The following TNR variants were observed in gnomAD, a reference collection of about 807,000 sequenced individuals.
TNR encodes the protein tenascin-R.
In TNR, 45 loss-of-function variants were observed where a neutral mutation model predicts 150.4. That is an observed-to-expected ratio of 0.30 (90% CI 0.24 to 0.38). The LOEUF (loss-of-function observed/expected upper bound fraction) is 0.38. Among genes scored for constraint, TNR ranks in the 10% least tolerant of loss-of-function variants. The probability of loss-of-function intolerance (pLI) is 1.00; values close to 1 mark genes in which losing one functional copy is unlikely to be tolerated. For missense variants in TNR, 1,544 were observed against 1,759.1 expected (o/e 0.88, Z 2.19); for synonymous variants, 687 against 678.4 (o/e 1.01, Z -0.20).
At chr1:175,486,219 C>T (rs1658005507) in intron 2 of TNR, among the ~76,000 whole-genome samples, 1 of 151,840 alleles carries the variant, frequency 6.6e-6, no homozygotes, top group Non-Finnish European at 1.5e-5. Flanking sequence ...TGGTTTGCTG[C>T]ACCCATCAAC....
intron 1 of TNR, among the ~76,000 whole-genome samples, chr1:175,530,111 C>T (rs1046680827): frequency 1.3e-5 from 2 of 152,200 alleles, no homozygotes; most frequent in African/African-American, 4.8e-5. Flanking sequence ...AATCGTTTCT[C>T]CCAATCTCGG....
intron 9 of TNR, among the ~76,000 whole-genome samples, chr1:175,371,320 C>G (rs1482732966): frequency 3.3e-5 from 5 of 152,178 alleles, no homozygotes; most frequent in Admixed American, 1.3e-4. Context: ...CTTTGTTCAA[C>G]TTGGAGGTTG....
intron 9 of TNR, among the ~76,000 whole-genome samples, chr1:175,373,336 G>A: frequency 6.6e-6 from 1 of 152,202 alleles, no homozygotes; most frequent in African/African-American, 2.4e-5. Flanking sequence ...GGGGAGATAT[G>A]TGGAGAATAT....
At chr1:175,570,193 G>C (rs754595117) in intron 1 of TNR, among the ~76,000 whole-genome samples, 1 of 152,158 alleles carries the variant, frequency 6.6e-6, no homozygotes, top group African/African-American at 2.4e-5. Flanking sequence ...CCAAACTGCT[G>C]ATTTGTGATC....
chr1:175,404,119 C>T (rs780333653), intron 3 of TNR, among the ~76,000 whole-genome samples: 10 of 152,108 alleles, frequency 6.6e-5, no homozygotes, highest in African/African-American at 1.4e-4. Flanking sequence ...TGAGGGCATG[C>T]GAATCCCCCA....
At chr1:175,434,635 G>A (rs755426450) in intron 2 of TNR, among the ~76,000 whole-genome samples, 5 of 152,214 alleles carry the variant, frequency 3.3e-5, no homozygotes, top group South Asian at 2.1e-4. Context: ...AGTGGTCTAC[G>A]ATATGACTCT....
At chr1:175,605,102 C>T (rs1663367609) in intron 1 of TNR, among the ~76,000 whole-genome samples, 2 of 152,174 alleles carry the variant, frequency 1.3e-5, no homozygotes, top group African/African-American at 4.8e-5. Flanking sequence ...AGGATGATGA[C>T]TCATTCTCAC....
At chr1:175,707,426 C>A (rs1003830739) in intron 1 of TNR, among the ~76,000 whole-genome samples, 3 of 152,142 alleles carry the variant, frequency 2.0e-5, no homozygotes, top group African/African-American at 7.2e-5. Context: ...CCTTGAAATA[C>A]ATGACAAACA....
intron 1 of TNR, among the ~76,000 whole-genome samples, chr1:175,714,841 G>C (rs1667112392): frequency 6.7e-6 from 1 of 149,594 alleles, no homozygotes; most frequent in South Asian, 2.2e-4. Context: ...CCTGCGGGGA[G>C]CCTTGTGAGG....
intron 17 of TNR, 77 bp downstream of exon 17, chr1:175,355,426 G>C: frequency 6.4e-7 from 1 of 1,567,990 alleles, no homozygotes; most frequent in Non-Finnish European, 8.7e-7. Context: ...CCAATGTCCT[G>C]TGGTCACTCC....
At chr1:175,714,604 C>T (rs918488362) in intron 1 of TNR, among the ~76,000 whole-genome samples, 3 of 152,208 alleles carry the variant, frequency 2.0e-5, no homozygotes, top group African/African-American at 7.2e-5. Flanking sequence ...TGAACCATCC[C>T]CCGTTTTGAA....
chr1:175,413,668 G>T (rs977495554), intron 2 of TNR, among the ~76,000 whole-genome samples: 1 of 14,482 alleles, frequency 6.9e-5, no homozygotes, highest in Admixed American at 9.5e-4. Context: ...ACCAGTTAAA[G>T]AGATAAAATG....
chr1:175,409,167 A>C (rs897744506), intron 2 of TNR, among the ~76,000 whole-genome samples: 1 of 152,232 alleles, frequency 6.6e-6, no homozygotes, highest in Admixed American at 6.5e-5. Context: ...CAGCTCTGCT[A>C]TCAGTCATTT....
chr1:175,606,592 T>C (rs1663411300), intron 1 of TNR, among the ~76,000 whole-genome samples: 1 of 152,142 alleles, frequency 6.6e-6, no homozygotes, highest in African/African-American at 2.4e-5. Context: ...TAGGAATGCC[T>C]ACAGGCTGGC....
At chr1:175,379,024 A>T (rs1462908468) in intron 9 of TNR, among the ~76,000 whole-genome samples, 1 of 152,118 alleles carries the variant, frequency 6.6e-6, no homozygotes, top group Non-Finnish European at 1.5e-5. Flanking sequence ...TACTAAAAAC[A>T]CAAAATTAGC....
At chr1:175,380,369 A>T (rs1306818616) in intron 8 of TNR, among the ~76,000 whole-genome samples, 1 of 152,134 alleles carries the variant, frequency 6.6e-6, no homozygotes, top group Admixed American at 6.5e-5. Context: ...AAAAGGGGCA[A>T]ATCATACCAA....
At chr1:175,658,233 G>A (rs1344185442) in intron 1 of TNR, among the ~76,000 whole-genome samples, 1 of 152,120 alleles carries the variant, frequency 6.6e-6, no homozygotes, top group Non-Finnish European at 1.5e-5. Context: ...CTTGGGTCAG[G>A]ACAAGGACTG....
Position 175,406,772 on chromosome 1 carries a change from G to A in TNR, c.-58C>T. 1.9e-6 allele frequency: 3 copies of A among 1,576,068 alleles called. No homozygotes were observed. Among genetic ancestry groups the A allele is most frequent in the South Asian group, 1.2e-5 (1 of 83,358 alleles). Reference sequence around the variant, plus strand: ...CCTGCAGCACACAGCATGGAGTTGTGGGAATCTGCAACGGAAACCAAGGAA... The same window carrying A: ...CCTGCAGCACACAGCATGGAGTTGTAGGAATCTGCAACGGAAACCAAGGAA... On this transcript the variant is annotated 5_prime_UTR_variant, in exon 3 of 23. Transcript: ENST00000367674.
At chr1:175,428,159 C>G (rs748199335) in intron 2 of TNR, among the ~76,000 whole-genome samples, 2 of 152,216 alleles carry the variant, frequency 1.3e-5, no homozygotes, top group African/African-American at 2.4e-5. Flanking sequence ...TATGTATCAA[C>G]AGTAAACCAA....
Sources: allele counts gnomAD v4.1 joint callset (sites outside exome capture counted in the v4.1 genomes callset), GRCh38; gene constraint gnomAD v4.1.1; transcripts MANE v1.5; gene names NCBI Gene and HGNC (gene_info 2026-07-23, HGNC 2026-07-21).